Variants in FBXL3 observed in about 807,000 individuals in gnomAD.
FBXL3 encodes the protein F-box and leucine rich repeat protein 3.
A neutral mutation model predicts 37.9 loss-of-function variants in FBXL3; 14 were observed. The ratio of observed to expected loss-of-function variants is 0.37; its 90% CI spans 0.24 to 0.58. The LOEUF (loss-of-function observed/expected upper bound fraction) is 0.58, where lower values mean the gene tolerates loss of function less well. Ranked by LOEUF, FBXL3 falls within the 20% of genes least tolerant of loss-of-function variation. FBXL3 has a pLI of 0.74. For synonymous variants in FBXL3, 194 were observed against 180.1 expected (o/e 1.08, Z -0.62); for missense variants, 327 against 511.1 (o/e 0.64, Z 3.47).
chr13:77,017,946 T>C (rs2034673699), intron 3 of FBXL3: 1 of 152,120 alleles, frequency 6.6e-6, no homozygotes, highest in South Asian at 2.1e-4. Flanking sequence ...ACTAACCTAT[T>C]AACCATTAGC....
In FBXL3 at chr13:77,006,362, G is replaced by A. The variant is rs2034451738; in HGVS notation, c.*783C>T. 1 of 152,078 alleles carries A rather than the reference G, an allele frequency of 6.6e-6. No homozygotes were observed. The highest frequency in any genetic ancestry group is 1.5e-5 in the Non-Finnish European group (1 of 67,952). 9.4% of individuals were successfully genotyped at this position (152,078 alleles called of 1,614,324 possible). On this transcript the variant is annotated 3_prime_UTR_variant, in exon 5 of 5. Coordinates refer to ENST00000355619, the MANE Select transcript of FBXL3 (RefSeq NM_012158.4). ...TAGTTTAAACAAAGATAAAACCAAG[G>A]AGAACTAGTAAAGCATTCCTTACTT...
rs769172956 is a variant in FBXL3 at position 77,021,764 on chromosome 13, T to C, written c.97A>G (p.Thr33Ala). The C allele has an allele frequency of 2.5e-6, 4 of 1,613,790 alleles. No individual in the cohort carries two copies. The East Asian group carries it at 8.9e-5, about 36-fold the overall frequency. The change falls in exon 2 of 5, where the codon ACT (threonine) becomes GCT (alanine). Residue 33 changes from threonine (T) to alanine (A), a missense_variant. Thr to Ala is a moderately conservative substitution (Grantham distance 58). Transcript: ENST00000355619. ...KLRTTNEHSQ[T>A]CDWGNLLQDI... ...TGAAGGAGATTACCCCAATCACAAGTCTGAGAATGCTCATTTGTAGTCCTC... is the reference window on the plus strand; with the variant it reads ...TGAAGGAGATTACCCCAATCACAAGCCTGAGAATGCTCATTTGTAGTCCTC...
In FBXL3 at chr13:77,027,037, G is replaced by C. The variant is rs2034857528; in HGVS notation, c.-212C>G. 3.3e-5 allele frequency: 5 copies of C among 152,052 alleles called. No homozygotes were observed. The South Asian group carries it at 1.0e-3, about 31-fold the overall frequency. The allele number at this position is 152,052 out of a possible 1,614,324, so 9.4% of individuals were successfully genotyped here. Reference sequence around the variant, plus strand: ...CTTTGCGGCTCTGGCTGCCCAGAAAGAAGCTTTCCTTCTCAGTCCCGCGCT... The same window carrying C: ...CTTTGCGGCTCTGGCTGCCCAGAAACAAGCTTTCCTTCTCAGTCCCGCGCT... On this transcript the variant is annotated 5_prime_UTR_variant, in exon 1 of 5. Transcript: ENST00000355619.
intron 3 of FBXL3, chr13:77,018,364 T>C (rs1357969131): frequency 3.5e-6 from 1 of 288,040 alleles, no homozygotes; most frequent in Non-Finnish European, 6.3e-6. Flanking sequence ...TTTTAATACT[T>C]CCTATAGACG....
chr13:77,013,647 C>T (rs541355287), intron 4 of FBXL3: 30 of 152,320 alleles, frequency 2.0e-4, no homozygotes, highest in African/African-American at 6.7e-4. Context: ...CAGCACTTCC[C>T]AAGCCCCTAC....
chr13:77,007,294 C>G lies in FBXL3; in HGVS notation c.1138G>C (p.Val380Leu). 1 of 1,614,132 alleles carries G rather than the reference C, an allele frequency of 6.2e-7. No individual in the cohort carries two copies. The highest frequency in any genetic ancestry group is 8.5e-7 in the Non-Finnish European group (1 of 1,180,022). ...EVSCSAFVEF[V>L]KMCGGRLSQL... is the part of the protein sequence containing the mutation. ...GATAGGCGGCCACCACACATCTTCA[C>G]AAACTCAACAAAGGCACTACATGAG... Residue 380 changes from valine to leucine, a missense_variant, in exon 5 of 5, where the codon GTG (valine) becomes CTG (leucine). By Grantham distance (32) the Val-to-Leu change is conservative. Transcript: ENST00000355619.
At chr13:77,018,520 A>T in intron 3 of FBXL3, 80 bp downstream of exon 3, 1 of 1,201,136 alleles carries the variant, frequency 8.3e-7, no homozygotes, top group East Asian at 2.6e-5. Context: ...CCTTATACTC[A>T]CACTGTCAAT....
At chr13:77,019,592 G>C (rs992961098) in intron 2 of FBXL3, among the ~76,000 whole-genome samples, 5 of 152,054 alleles carry the variant, frequency 3.3e-5, no homozygotes, top group African/African-American at 1.2e-4. Flanking sequence ...ACTTAAATGG[G>C]AACAAATGTT....
At chr13:77,007,846 T>G in intron 4 of FBXL3, 58 bp from the exon 5 acceptor site, 1 of 1,446,010 alleles carries the variant, frequency 6.9e-7, no homozygotes, top group Non-Finnish European at 9.3e-7. Context: ...TGTTGAAAAA[T>G]TCAATCAAGT....
intron 4 of FBXL3, among the ~76,000 whole-genome samples, chr13:77,012,628 A>C (rs565557245): frequency 6.6e-6 from 1 of 152,352 alleles, no homozygotes; most frequent in South Asian, 2.1e-4. Flanking sequence ...AAATTGATTA[A>C]ATGTTCAGTG....
intron 4 of FBXL3, chr13:77,010,603 G>A (rs1431661466): frequency 1.3e-5 from 2 of 152,206 alleles, no homozygotes; most frequent in Non-Finnish European, 2.9e-5. Context: ...CTCTAAGCTA[G>A]AGGGGGCCAA....
intron 2 of FBXL3, among the ~76,000 whole-genome samples, chr13:77,020,395 CATTCCCACCACCA>C (rs1339824201): frequency 6.6e-6 from 1 of 152,166 alleles, no homozygotes; most frequent in African/African-American, 2.4e-5. Flanking sequence ...CATATCCAAC[CATTCCCACCACCA>C]ATTCTCTCCT....
chr13:77,007,920 T>G (rs930212584), intron 4 of FBXL3, 132 bp from the exon 5 acceptor site: 2 of 635,018 alleles, frequency 3.1e-6, no homozygotes, highest in East Asian at 5.7e-5. Flanking sequence ...AAAATGTGCA[T>G]AGTTGAATTA....
chr13:77,011,476 C>T (rs2034552026), intron 4 of FBXL3, among the ~76,000 whole-genome samples: 1 of 152,050 alleles, frequency 6.6e-6, no homozygotes, highest in Admixed American at 6.6e-5. Flanking sequence ...AATCCCAGCA[C>T]TTTGGGAAGC....
In FBXL3 at chr13:77,026,354, G is replaced by C. The variant is rs920012162; in HGVS notation, c.-2+473C>G. 17 of 985,076 alleles carry C rather than the reference G, an allele frequency of 1.7e-5. No homozygotes were observed. In the African/African-American group the frequency reaches 2.8e-4, roughly 16 times the overall value. 61.0% of individuals were successfully genotyped at this position (985,076 alleles called of 1,614,324 possible). On this transcript the variant is annotated intron_variant, in intron 1 of 4. Transcript: ENST00000355619. ...CCCTGCGCCACCTCCCCACCGACTG[G>C]CTTCCCCTGACATTTCTCATGCGCC...
At chr13:77,007,899 CTA>C in intron 4 of FBXL3, 111 bp from the exon 5 acceptor site, 1 of 794,616 alleles carries the variant, frequency 1.3e-6, no homozygotes, top group South Asian at 2.3e-5. Flanking sequence ...TACCACAAAA[CTA>C]TATAATTTAA....
At position 77,021,681 on chromosome 13, in the gene FBXL3, T is replaced by C. The variant is rs932337163; in HGVS notation, c.180A>G (p.Ser60=). 1 of 1,613,994 alleles carries C rather than the reference T, an allele frequency of 6.2e-7. No individual in the cohort carries two copies. Among genetic ancestry groups the C allele is most frequent in the African/African-American group, 1.3e-5 (1 of 74,910 alleles). Residue 60 remains serine (S), a synonymous_variant, in exon 2 of 5, where the codon TCA becomes TCG. Transcript: ENST00000355619. ...YLPLLDRAHA[S]QVCRNWNQVF... ...CCTGGTTCCAGTTGCGGCAAACTTG[T>C]GAAGCATGAGCCCGGTCAAGAAGAG...
At chr13:77,023,118 AGAAT>A (rs2034774465) in intron 1 of FBXL3, among the ~76,000 whole-genome samples, 1 of 152,212 alleles carries the variant, frequency 6.6e-6, no homozygotes. Context: ...CAGAAGGCAG[AGAAT>A]GATTCATTCA....
intron 4 of FBXL3, 112 bp downstream of exon 4, chr13:77,015,297 G>T: frequency 1.5e-6 from 1 of 668,538 alleles, no homozygotes; most frequent in Non-Finnish European, 2.3e-6. Context: ...ATATTTTAAA[G>T]AGATGAAGCA....
Sources: gnomAD v4.1 joint callset for allele counts (sites outside exome capture counted in the v4.1 genomes callset) on GRCh38, gnomAD v4.1.1 for gene constraint, MANE v1.5 for transcripts, NCBI Gene and HGNC (gene_info 2026-07-23, HGNC 2026-07-21) for gene names.